Variants in ENTPD7 observed in about 807,000 individuals in gnomAD.
ENTPD7 encodes NTPDase 7.
ENTPD7 carries 53 observed loss-of-function variants against 77.9 expected under a neutral mutation model. The observed-to-expected ratio is 0.68, with a 90% CI of 0.55 to 0.85. ENTPD7 has a LOEUF of 0.85. ENTPD7 is among the 40% of genes least tolerant of loss of function. The pLI is 0.00. For synonymous variants in ENTPD7, 248 were observed against 274.9 expected (o/e 0.90, Z 0.97); for missense variants, 636 against 743.7 (o/e 0.86, Z 1.68).
At position 99,706,287 on chromosome 10, in the gene ENTPD7, T is replaced by G. The variant is rs1452176457; in HGVS notation, c.*1604T>G. 6.6e-6 allele frequency: 1 copy of G among 152,140 alleles called. No individual in the cohort carries two copies. 9.4% of individuals were successfully genotyped at this position (152,140 alleles called of 1,614,324 possible). On this transcript the variant is annotated 3_prime_UTR_variant, in exon 13 of 13. Coordinates refer to ENST00000370489, the MANE Select transcript of ENTPD7 (RefSeq NM_020354.5). ...AGATAAAAAGATGACCAGTCTTGTA[T>G]TGTTTTAAAATTAGATAAACATGGA...
chr10:99,703,638 T>C (rs1164010958), intron 12 of ENTPD7, among the ~76,000 whole-genome samples: 7 of 152,224 alleles, frequency 4.6e-5, no homozygotes, highest in Admixed American at 4.6e-4. Flanking sequence ...CGCCTTATTT[T>C]TATCTGACTG....
At chr10:99,667,990 A>G (rs1228713449) in intron 3 of ENTPD7, among the ~76,000 whole-genome samples, 1 of 123,672 alleles carries the variant, frequency 8.1e-6, no homozygotes, top group Non-Finnish European at 1.6e-5. Flanking sequence ...GCTGGAGTGC[A>G]GTGGCATGAT....
Position 99,710,465 on chromosome 10 carries a change from A to G in ENTPD7, c.*5782A>G. The G allele has an allele frequency of 1.0e-6, 1 of 985,398 alleles. No homozygotes were observed. The highest frequency in any genetic ancestry group is 1.2e-6 in the Non-Finnish European group (1 of 829,900). 61.0% of individuals were successfully genotyped at this position (985,398 alleles called of 1,614,324 possible). A position where few individuals can be genotyped will look rare whatever the true frequency, so the allele number is the denominator to read the frequency against. On this transcript the variant is annotated 3_prime_UTR_variant, in exon 13 of 13. Coordinates refer to ENST00000370489, the MANE Select transcript of ENTPD7 (RefSeq NM_020354.5). ...ATTATGATCTACACTTTAAAAAACC[A>G]AAGGCTGCCTGTATTACATTGCTTT...
At chr10:99,669,957 G>A (rs1241127678) in intron 3 of ENTPD7, among the ~76,000 whole-genome samples, 8 of 151,812 alleles carry the variant, frequency 5.3e-5, no homozygotes, top group Admixed American at 5.2e-4. Context: ...CACCGTGTTA[G>A]CCAGGATGGT....
In ENTPD7 at chr10:99,704,810, C is replaced by CT. The variant is rs1165036237; in HGVS notation, c.*130dup. ...TGGATATTTGCCCTTGGAATTTCTA[C>CT]TTTACTTTCTACCGTAATTCCTTCT... On this transcript the variant is annotated 3_prime_UTR_variant, in exon 13 of 13. Transcript: ENST00000370489. The CT allele has an allele frequency of 5.9e-6, 5 of 853,788 alleles. No individual in the cohort carries two copies. Among genetic ancestry groups the CT allele is most frequent in the Non-Finnish European group, 7.2e-6 (4 of 555,956 alleles). The allele number at this position is 853,788 out of a possible 1,614,324, so 52.9% of individuals were successfully genotyped here.
At position 99,710,601 on chromosome 10, in the gene ENTPD7, G is replaced by A; in HGVS notation, c.*5918G>A. The A allele has an allele frequency of 2.0e-6, 2 of 985,388 alleles. No individual in the cohort carries two copies. Among genetic ancestry groups the A allele is most frequent in the Non-Finnish European group, 2.4e-6 (2 of 829,926 alleles). 61.0% of individuals were successfully genotyped at this position (985,388 alleles called of 1,614,324 possible). A position where few individuals can be genotyped will look rare whatever the true frequency, so the allele number is the denominator to read the frequency against. On this transcript the variant is annotated 3_prime_UTR_variant, in exon 13 of 13. Transcript: ENST00000370489. ...ACAAACATTTTAGGTCAGTGTTGAG[G>A]AAAATGTGTGATGCATGTTAGAGAG...
chr10:99,705,288 T>C lies in ENTPD7; in HGVS notation c.*605T>C, dbSNP rs543041869. 6.4e-6 allele frequency: 1 copy of C among 156,348 alleles called. No individual in the cohort carries two copies. Among genetic ancestry groups the C allele is most frequent in the African/African-American group, 2.4e-5 (1 of 41,590 alleles). The allele number at this position is 156,348 out of a possible 1,614,324, so 9.7% of individuals were successfully genotyped here. A position where few individuals can be genotyped will look rare whatever the true frequency, so the allele number is the denominator to read the frequency against. ...TCCAAGATCCCTGTCGTAGTGTTGA[T>C]GATGTTAGTACATGATTTTAAAGGT... On this transcript the variant is annotated 3_prime_UTR_variant, in exon 13 of 13. Coordinates refer to ENST00000370489, the MANE Select transcript of ENTPD7 (RefSeq NM_020354.5).
At chr10:99,689,303 T>C (rs1202187076) in intron 7 of ENTPD7, among the ~76,000 whole-genome samples, 3 of 152,248 alleles carry the variant, frequency 2.0e-5, no homozygotes, top group African/African-American at 7.2e-5. Context: ...AATCAGAATC[T>C]GAACAAGGGT....
chr10:99,660,088 G>C, intron 2 of ENTPD7, 124 bp downstream of exon 2: 1 of 1,443,132 alleles, frequency 6.9e-7, no homozygotes, highest in East Asian at 2.3e-5. Flanking sequence ...TTGTATTCTG[G>C]TTAGTTGGAT....
At chr10:99,704,426 C>T in intron 12 of ENTPD7, 26 bp from the exon 13 acceptor site, 1 of 1,611,866 alleles carries the variant, frequency 6.2e-7, no homozygotes, top group Non-Finnish European at 8.5e-7. Flanking sequence ...GTTTTTTCCA[C>T]CTACAAATTC....
chr10:99,679,617 A>G, intron 4 of ENTPD7, 108 bp from the exon 5 acceptor site: 1 of 1,465,594 alleles, frequency 6.8e-7, no homozygotes, highest in Non-Finnish European at 9.2e-7. Context: ...TCTCAAATAA[A>G]TAAATGTTTA....
chr10:99,702,509 C>T lies in ENTPD7; in HGVS notation c.1422-3C>T. ...TTAAAATTTAATTATTTTTGTCACA[C>T]AGATATCAGTGTTTTAAATCGGCTT... On this transcript the variant is annotated splice_region_variant and splice_polypyrimidine_tract_variant and intron_variant, in intron 11 of 12. Transcript: ENST00000370489. The T allele has an allele frequency of 1.3e-6, 2 of 1,544,366 alleles. No individual in the cohort carries two copies. The highest frequency in any genetic ancestry group is 1.7e-6 in the Non-Finnish European group (2 of 1,149,832).
chr10:99,668,524 A>G (rs560580099), intron 3 of ENTPD7, among the ~76,000 whole-genome samples: 7 of 152,334 alleles, frequency 4.6e-5, no homozygotes, highest in Non-Finnish European at 7.4e-5. Flanking sequence ...TAAAGTGAGA[A>G]TAAAAATAGC....
In ENTPD7 at chr10:99,679,895, A is replaced by C; in HGVS notation, c.548+20A>C. On this transcript the variant is annotated intron_variant, in intron 5 of 12. Coordinates refer to ENST00000370489, the MANE Select transcript of ENTPD7 (RefSeq NM_020354.5). ...TGAGAGGTGAGATGCAGGGTACAGG[A>C]AACACAGGAAAACGGTGGCACAAGA... 1 of 1,596,562 alleles carries C rather than the reference A, an allele frequency of 6.3e-7. No homozygotes were observed. The highest frequency in any genetic ancestry group is 8.5e-7 in the Non-Finnish European group (1 of 1,173,664).
chr10:99,683,399 C>A (rs1166561796), intron 5 of ENTPD7, among the ~76,000 whole-genome samples: 1 of 152,056 alleles, frequency 6.6e-6, no homozygotes, highest in Non-Finnish European at 1.5e-5. Context: ...ATTTTTTCTA[C>A]CTCCCTTTTA....
chr10:99,684,785 T>C (rs749499269), intron 5 of ENTPD7, among the ~76,000 whole-genome samples: 43 of 152,214 alleles, frequency 2.8e-4, no homozygotes, highest in Non-Finnish European at 4.1e-4. Context: ...ATAATATTGA[T>C]TACATGCTTA....
chr10:99,677,140 T>A (rs186324262), intron 3 of ENTPD7, among the ~76,000 whole-genome samples: 24 of 152,066 alleles, frequency 1.6e-4, no homozygotes, highest in African/African-American at 5.1e-4. Flanking sequence ...TGATTGGGGG[T>A]GGTTTTATTG....
rs1041614029 is a variant in ENTPD7, at chr10:99,691,478, A to G, written c.803A>G (p.Tyr268Cys). ...DMGGASLQIA[Y>C]EVPTSTSVLP... ...GGAGGAGCCTCTCTCCAAATTGCTT[A>G]TGAAGTTCCTACCTCAACCTCTGTC... Residue 268 changes from tyrosine to cysteine, a missense_variant, in exon 8 of 13, where the codon TAT becomes TGT. Around this residue, in one of 3 missense-constraint regions of ENTPD7, gnomAD observed 486 missense variants for 556.5 expected, o/e 0.87. Coordinates refer to ENST00000370489, the MANE Select transcript of ENTPD7 (RefSeq NM_020354.5). 1 of 1,614,090 alleles carries G rather than the reference A, an allele frequency of 6.2e-7. No individual in the cohort carries two copies. Among genetic ancestry groups the G allele is most frequent in the Non-Finnish European group, 8.5e-7 (1 of 1,180,002 alleles).
rs2036359363 is a variant in ENTPD7 at position 99,710,861 on chromosome 10, T to C, written c.*6178T>C. On this transcript the variant is annotated 3_prime_UTR_variant, in exon 13 of 13. Transcript: ENST00000370489. ...AAGTTACAGACAAAAAATTCTAGGT[T>C]GACTGATTAAGAAAGCCATGTGTTT... The C allele has an allele frequency of 1.0e-6, 1 of 985,328 alleles. No homozygotes were observed. The highest frequency in any genetic ancestry group is 1.7e-5 in the African/African-American group (1 of 57,252). 61.0% of individuals were successfully genotyped at this position (985,328 alleles called of 1,614,324 possible).
Sources: gnomAD v4.1 joint callset for allele counts (sites outside exome capture counted in the v4.1 genomes callset) on GRCh38, gnomAD v4.1.1 for gene constraint, gnomAD v4.1.1 regional missense constraint, MANE v1.5 for transcripts, NCBI Gene and HGNC (gene_info 2026-07-23, HGNC 2026-07-21) for gene names.